CNTNAP3: variants seen among roughly 807,000 people sequenced by gnomAD.
The protein encoded by CNTNAP3 is contactin-associated protein-like 3.
Under a neutral mutation model 92.1 loss-of-function variants are expected in CNTNAP3, and 36 were observed. The observed-to-expected ratio is 0.39, with a 90% confidence interval of 0.30 to 0.52. The LOEUF (loss-of-function observed/expected upper bound fraction) is 0.52. CNTNAP3 is among the 20% of genes least tolerant of loss of function. The pLI, the probability that CNTNAP3 is intolerant of heterozygous loss-of-function variation, is 0.76. For missense variants in CNTNAP3, 534 were observed against 1,069.6 expected, an observed-to-expected ratio of 0.50 and a Z score of 6.98; for synonymous variants, 232 against 422.3, an observed-to-expected ratio of 0.55 and a Z score of 5.53.
chr9:39,103,626 G>A (rs1826522066), intron 16 of CNTNAP3, 118 bp downstream of exon 16: 2 of 1,193,076 alleles, frequency 1.7e-6, no homozygotes, highest in East Asian at 5.3e-5. Flanking sequence ...TAGAAGTTTA[G>A]TATTTTATAA....
chr9:39,149,516 A>T (rs1181062540), intron 10 of CNTNAP3, among the ~76,000 whole-genome samples: 2 of 144,182 alleles, frequency 1.4e-5, no homozygotes, highest in South Asian at 2.2e-4. Flanking sequence ...CGCCTGGCTA[A>T]TTTTTTTTTT....
chr9:39,099,955 C>T lies in CNTNAP3; in HGVS notation c.2951G>A (p.Cys984Tyr). The T allele has an allele frequency of 6.2e-7, 1 of 1,610,048 alleles. No homozygotes were observed. The highest frequency in any genetic ancestry group is 2.2e-5 in the East Asian group (1 of 44,820). ...ATCATAGGCTGAGAAGGCACAGTCA[C>T]AGGTGACCCCCCTGCGTTTCTCTCT... ...RCREKRRGVT[C>Y]DCAFSAYDGP... Residue 984 changes from cysteine to tyrosine, a missense_variant, in exon 18 of 24, where the codon TGT becomes TAT. By Grantham distance (194) the Cys-to-Tyr change is radical. Coordinates refer to ENST00000297668, the MANE Select transcript of CNTNAP3 (RefSeq NM_033655.5).
intron 23 of CNTNAP3, among the ~76,000 whole-genome samples, chr9:39,074,322 C>A (rs1825698956): frequency 6.6e-6 from 1 of 151,472 alleles, no homozygotes; most frequent in Non-Finnish European, 1.5e-5. Flanking sequence ...AGTTACCGTG[C>A]CTGGCCTCAA....
At chr9:39,137,306 TTC>T (rs1821463035) in intron 12 of CNTNAP3, among the ~76,000 whole-genome samples, 1 of 151,894 alleles carries the variant, frequency 6.6e-6, no homozygotes, top group Non-Finnish European at 1.5e-5. Context: ...ATCAAAGGCA[TTC>T]TTCATTTCTG....
At chr9:39,119,783 A>G (rs1197425599) in intron 13 of CNTNAP3, among the ~76,000 whole-genome samples, 1 of 152,178 alleles carries the variant, frequency 6.6e-6, no homozygotes, top group African/African-American at 2.4e-5. Flanking sequence ...AGGTAGAAAG[A>G]GGAAGCTTAG....
At chr9:39,095,922 C>G (rs546052132) in intron 18 of CNTNAP3, among the ~76,000 whole-genome samples, 2 of 151,076 alleles carry the variant, frequency 1.3e-5, no homozygotes, top group Non-Finnish European at 3.0e-5. Context: ...TTTAAAAAAT[C>G]TGAGAAAAAA....
At chr9:39,098,260 A>T (rs1202801302) in intron 18 of CNTNAP3, among the ~76,000 whole-genome samples, 1 of 149,478 alleles carries the variant, frequency 6.7e-6, no homozygotes, top group African/African-American at 2.5e-5. Flanking sequence ...ATTTTATATC[A>T]AGTTAATTCC....
Position 39,065,434 on chromosome 9 carries a change from A to C in CNTNAP3, c.*8456T>G, listed in dbSNP as rs369493298. ...GGATATTATAAGTAAAGATGCTATA[A>C]ACGTTCTTGTGTAAGTCTTATAATG... On this transcript the variant is annotated 3_prime_UTR_variant, in exon 24 of 24. Coordinates refer to ENST00000297668, the MANE Select transcript of CNTNAP3 (RefSeq NM_033655.5). 6.6e-6 allele frequency among the ~76,000 whole-genome samples: 1 copy of C among 152,070 alleles called. No individual in the cohort carries two copies. Among genetic ancestry groups the C allele is most frequent in the Non-Finnish European group, 1.5e-5 (1 of 68,002 alleles).
intron 18 of CNTNAP3, among the ~76,000 whole-genome samples, chr9:39,093,792 C>T (rs1241683978): frequency 6.6e-6 from 1 of 151,338 alleles, no homozygotes; most frequent in Non-Finnish European, 1.5e-5. Flanking sequence ...GTATTATTTC[C>T]ACTATTGTGA....
intron 18 of CNTNAP3, among the ~76,000 whole-genome samples, chr9:39,090,981 TG>T (rs1826183151): frequency 1.3e-5 from 2 of 152,134 alleles, no homozygotes; most frequent in South Asian, 4.1e-4. Flanking sequence ...TATTTTCAGA[TG>T]GTTCACAGCT....
At position 39,253,107 on chromosome 9, in the gene CNTNAP3, T is replaced by C. The variant is rs1181209737; in HGVS notation, c.196+13789A>G. Among the ~76,000 whole-genome samples the C allele has an allele frequency of 3.3e-4, 2 of 6,044 alleles. 1 individual carries two copies. The highest frequency in any genetic ancestry group is 3.6e-4 in the African/African-American group (2 of 5,606). The allele number at this position is 6,044 out of a possible 152,430, so 4.0% of individuals were successfully genotyped here. On this transcript the variant is annotated intron_variant, in intron 2 of 23. Coordinates refer to ENST00000297668, the MANE Select transcript of CNTNAP3 (RefSeq NM_033655.5). ...TATATAAAATATAAAGTTCTTGAAA[T>C]TTGGATTTGACTATTAAGTACACAC... is the stretch of plus-strand genomic sequence containing the variant.
intron 18 of CNTNAP3, among the ~76,000 whole-genome samples, chr9:39,090,850 A>G (rs1488837234): frequency 1.3e-5 from 2 of 152,304 alleles, no homozygotes; most frequent in Non-Finnish European, 2.9e-5. Flanking sequence ...CCATTTATTT[A>G]CCTTTAATTT....
At chr9:39,138,054 TTTG>T (rs368162294) in intron 12 of CNTNAP3, among the ~76,000 whole-genome samples, 3,915 of 141,250 alleles carry the variant, frequency 0.028, 178 homozygotes, top group South Asian at 0.089. Flanking sequence ...AATGCTGTTT[TTTG>T]TTGTTGTTGT....
At chr9:39,078,543 G>C (rs1271580191) in intron 22 of CNTNAP3, 87 bp from the exon 23 acceptor site, 2 of 1,580,390 alleles carry the variant, frequency 1.3e-6, no homozygotes, top group Non-Finnish European at 1.7e-6. Context: ...AATTAAAAGT[G>C]AATTAAAATA....
At position 39,096,095 on chromosome 9, in the gene CNTNAP3, A is replaced by G. The variant is rs536898037; in HGVS notation, c.2995+3816T>C. On this transcript the variant is annotated intron_variant, in intron 18 of 23. Transcript: ENST00000297668. The stretch of plus-strand genomic sequence containing the variant: ...CTCCTCTGTGCTGTTTTTTTGTAAT[A>G]TATTTCTATAGGCCCAACAATGAAA... Among the ~76,000 whole-genome samples, 96 of 92,318 alleles carry G rather than the reference A, an allele frequency of 1.0e-3. 13 individuals carry two copies. The highest frequency in any genetic ancestry group is 3.1e-3 in the African/African-American group (82 of 26,440). The allele number at this position is 92,318 out of a possible 152,430, so 60.6% of individuals were successfully genotyped here.
intron 14 of CNTNAP3, among the ~76,000 whole-genome samples, chr9:39,112,284 CTTTA>C (rs1483650283): frequency 1.3e-5 from 2 of 151,862 alleles, no homozygotes; most frequent in African/African-American, 4.8e-5. Flanking sequence ...TGCCAGGGAA[CTTTA>C]TTTAAGGCAA....
At chr9:39,102,145 G>A (rs1826474192) in intron 17 of CNTNAP3, among the ~76,000 whole-genome samples, 1 of 152,228 alleles carries the variant, frequency 6.6e-6, no homozygotes, top group Admixed American at 6.5e-5. Context: ...AGGCGTGGTG[G>A]CACCTGCGCC....
chr9:39,107,252 A>C lies in CNTNAP3; in HGVS notation c.2365+1908T>G, dbSNP rs527883638. ...AAAAAAGAAGACAGGAAAGAAAGAA[A>C]GAAAAAGAAAGAAAGAAAAGAAAGA... On this transcript the variant is annotated intron_variant, in intron 15 of 23. Transcript: ENST00000297668. Among the ~76,000 whole-genome samples the C allele has an allele frequency of 4.2e-3, 632 of 151,982 alleles. 5 individuals are homozygous for C. The highest frequency in any genetic ancestry group is 0.014 in the African/African-American group (599 of 41,458).
chr9:39,146,073 G>A (rs189743156), intron 10 of CNTNAP3, among the ~76,000 whole-genome samples: 21 of 151,418 alleles, frequency 1.4e-4, no homozygotes, highest in Admixed American at 2.0e-4. Flanking sequence ...CTATTTAAGT[G>A]ATCTAGAGAC....
Sources: allele counts gnomAD v4.1 joint callset (sites outside exome capture counted in the v4.1 genomes callset), GRCh38; gene constraint gnomAD v4.1.1; transcripts MANE v1.5; gene names NCBI Gene and HGNC (gene_info 2026-07-23, HGNC 2026-07-21).